The following UBE3B variants were observed in gnomAD, a reference collection of about 807,000 sequenced individuals.
UBE3B encodes ubiquitin-protein ligase E3B.
In UBE3B, 80 loss-of-function variants were observed where a neutral mutation model predicts 132.3. The observed-to-expected ratio is 0.60, with a 90% confidence interval of 0.50 to 0.73. The LOEUF (loss-of-function observed/expected upper bound fraction) is 0.73, where lower values mean the gene tolerates loss of function less well. Ranked by LOEUF, UBE3B falls within the 30% of genes least tolerant of loss-of-function variation. UBE3B has a pLI of 0.00. For missense variants in UBE3B, 1,196 were observed against 1,362.5 expected, an observed-to-expected ratio of 0.88 and a Z score of 1.92; for synonymous variants, 487 against 520.4, an observed-to-expected ratio of 0.94 and a Z score of 0.87.
chr12:109,521,080 G>A lies in UBE3B; in HGVS notation c.2077-68G>A. On this transcript the variant is annotated intron_variant, in intron 19 of 27. Transcript: ENST00000342494. The surrounding 1 kb of genome is among the most constrained non-coding windows in gnomAD (Gnocchi z 4.2). ...TGCTGGGAGAGCTTCGCACAGAGGA[G>A]AGGGAACCCCGAATTGTGTGCATAA... 6.4e-7 allele frequency: 1 copy of A among 1,572,122 alleles called. No homozygotes were observed. Among genetic ancestry groups the A allele is most frequent in the South Asian group, 1.1e-5 (1 of 87,494 alleles).
intron 27 of UBE3B, chr12:109,533,964 C>T: frequency 7.7e-7 from 1 of 1,304,492 alleles, no homozygotes; most frequent in South Asian, 1.2e-5. Context: ...CACGTCCAGG[C>T]TCGCTGCTTC....
downstream of UBE3B, among the ~76,000 whole-genome samples, chr12:109,540,116 C>T (rs1883580286): frequency 6.6e-6 from 1 of 152,178 alleles, no homozygotes; most frequent in South Asian, 2.1e-4. Context: ...GTTCATTCTG[C>T]TGCCGAAGTC....
chr12:109,522,449 G>C lies in UBE3B; in HGVS notation c.2364+898G>C, dbSNP rs1007362012. ...GCTGCAGCACAAGCCCAGCCAGTCT[G>C]TGTGGCCTTCGCAGTGGGCTCCAGA... is the stretch of plus-strand genomic sequence containing the variant. On this transcript the variant is annotated intron_variant, in intron 21 of 27. Transcript: ENST00000342494. This position sits in a 1 kb window ranked among gnomAD's most constrained non-coding sequence, Gnocchi z 4.2. Among the ~76,000 whole-genome samples, 3 of 152,234 alleles carry C rather than the reference G, an allele frequency of 2.0e-5. No homozygotes were observed. Among genetic ancestry groups the C allele is most frequent in the Admixed American group, 6.5e-5 (1 of 15,290 alleles).
In UBE3B at chr12:109,534,777, T is replaced by A. The variant is rs1266945367; in HGVS notation, c.3202T>A (p.Ser1068Thr). 6.6e-7 allele frequency: 1 copy of A among 1,521,952 alleles called. No homozygotes were observed. Among genetic ancestry groups the A allele is most frequent in the Admixed American group, 2.0e-5 (1 of 48,948 alleles). The allele number at this position is 1,521,952 out of a possible 1,614,324, so 94.3% of individuals were successfully genotyped here. A position where few individuals can be genotyped will look rare whatever the true frequency, so the allele number is the denominator to read the frequency against. Residue 1068 changes from serine to threonine, a missense_variant, in exon 28 of 28, where the codon TCC (serine) becomes ACC (threonine). Transcript: ENST00000342494. The surrounding 1 kb of genome is among the most constrained non-coding windows in gnomAD (Gnocchi z 5.2). The part of the protein sequence containing the change: ...AISMNTGFEL[S>T] The stretch of plus-strand genomic sequence containing the variant: ...CAGCATGAACACGGGCTTTGAACTC[T>A]CCTAGCTCCTGTCCCAGCCCTGCCT...
At chr12:109,493,783 T>C (rs560878345) in intron 9 of UBE3B, among the ~76,000 whole-genome samples, 15 of 152,338 alleles carry the variant, frequency 9.8e-5, no homozygotes, top group African/African-American at 3.4e-4. Flanking sequence ...TCTAAAACTT[T>C]TACACGTATT....
At chr12:109,516,454 G>T (rs945570142) in intron 18 of UBE3B, among the ~76,000 whole-genome samples, 2 of 152,182 alleles carry the variant, frequency 1.3e-5, no homozygotes, top group African/African-American at 4.8e-5. Flanking sequence ...TGGGATTACA[G>T]GCGTGAGCCC....
At chr12:109,517,695 T>C (rs1405642260) in intron 19 of UBE3B, among the ~76,000 whole-genome samples, 3 of 152,162 alleles carry the variant, frequency 2.0e-5, no homozygotes, top group Non-Finnish European at 2.9e-5. Context: ...CTTGGCTTCA[T>C]TTATTTGCCA....
Position 109,524,489 on chromosome 12 carries a change from G to A in UBE3B, c.2554G>A (p.Asp852Asn). The A allele has an allele frequency of 6.2e-7, 1 of 1,614,162 alleles. No individual in the cohort carries two copies. Among genetic ancestry groups the A allele is most frequent in the Non-Finnish European group, 8.5e-7 (1 of 1,180,000 alleles). The change falls in exon 23 of 28, where the codon GAC becomes AAC. Residue 852 changes from aspartate (D) to asparagine (N), a missense_variant. Transcript: ENST00000342494. ...GGGCCTGACGCTGTCTTACGACGAGGACGTCATGGGTCAGGTAGGTCCGCC... is the reference window on the plus strand; with the variant it reads ...GGGCCTGACGCTGTCTTACGACGAGAACGTCATGGGTCAGGTAGGTCCGCC... ...DLGLTLSYDE[D>N]VMGQLVCHEL... is the part of the protein sequence containing the mutation.
At chr12:109,478,368 G>A (rs1255195150) in intron 1 of UBE3B, among the ~76,000 whole-genome samples, 1 of 152,130 alleles carries the variant, frequency 6.6e-6, no homozygotes. Flanking sequence ...AACTGTTTTG[G>A]ATATACATGG....
chr12:109,491,516 C>T (rs368961114), intron 9 of UBE3B: 20 of 162,456 alleles, frequency 1.2e-4, no homozygotes, highest in East Asian at 8.7e-4. Flanking sequence ...AATGTGAATA[C>T]GCATGTAAAA....
chr12:109,528,314 C>A (rs980598563), intron 24 of UBE3B: 2 of 984,978 alleles, frequency 2.0e-6, no homozygotes, highest in Admixed American at 1.2e-4. Flanking sequence ...CTTCCTCTCC[C>A]CCTTTCTCAG....
intron 6 of UBE3B, among the ~76,000 whole-genome samples, chr12:109,486,941 G>A (rs1428318843): frequency 6.6e-6 from 1 of 152,200 alleles, no homozygotes; most frequent in East Asian, 1.9e-4. Context: ...AAGCAAGGAA[G>A]AGAACGTTGT....
the UBE3B span, among the ~76,000 whole-genome samples, chr12:109,547,286 G>A: frequency 1.3e-5 from 2 of 152,158 alleles, no homozygotes; most frequent in East Asian, 3.8e-4. This position sits in a 1 kb window ranked among gnomAD's most constrained non-coding sequence, Gnocchi z 4.1. Context: ...TTCTCATCAC[G>A]ACCTGGAGCA....
At position 109,499,814 on chromosome 12, in the gene UBE3B, A is replaced by C; in HGVS notation, c.1118+4A>C. Reference sequence around the variant, plus strand: ...TCTCCCAATCTGTGGATTATGGGTGAGTCCCAGATGCAAATCACTGTCTTT... The same window carrying C: ...TCTCCCAATCTGTGGATTATGGGTGCGTCCCAGATGCAAATCACTGTCTTT... On this transcript the variant is annotated splice_donor_region_variant and intron_variant, in intron 12 of 27. Transcript: ENST00000342494. The C allele has an allele frequency of 1.9e-6, 3 of 1,589,838 alleles. No homozygotes were observed. Among genetic ancestry groups the C allele is most frequent in the Middle Eastern group, 1.7e-4 (1 of 5,970 alleles).
At position 109,521,360 on chromosome 12, in the gene UBE3B, C is replaced by G; in HGVS notation, c.2253+36C>G. ...GGAGCAACAGCAGGGCTGACAGCAG[C>G]CAGATTCAAGAAGTGAAGAGCTGGG... On this transcript the variant is annotated intron_variant, in intron 20 of 27. Coordinates refer to ENST00000342494, the MANE Select transcript of UBE3B (RefSeq NM_130466.4). This position sits in a 1 kb window ranked among gnomAD's most constrained non-coding sequence, Gnocchi z 4.2. 3.1e-6 allele frequency: 5 copies of G among 1,605,252 alleles called. No individual in the cohort carries two copies. Among genetic ancestry groups the G allele is most frequent in the Non-Finnish European group, 4.3e-6 (5 of 1,172,586 alleles).
intron 24 of UBE3B, chr12:109,528,221 C>G (rs1279649968): frequency 1.7e-6 from 1 of 573,154 alleles, no homozygotes; most frequent in Non-Finnish European, 2.2e-6. Flanking sequence ...GATACTTGAT[C>G]TTGCACTTTA....
chr12:109,545,417 G>C, the UBE3B span, among the ~76,000 whole-genome samples: 13 of 152,260 alleles, frequency 8.5e-5, no homozygotes, highest in Non-Finnish European at 1.3e-4. Flanking sequence ...TGGTGGGAAA[G>C]AGTCAGAACT....
chr12:109,539,047 C>G (rs1883550972), downstream of UBE3B, among the ~76,000 whole-genome samples: 1 of 152,166 alleles, frequency 6.6e-6, no homozygotes, highest in Non-Finnish European at 1.5e-5. Context: ...ACCATCCTGG[C>G]CAATACGGTG....
rs140603482 is a variant in UBE3B at position 109,486,017 on chromosome 12, T to G, written c.288T>G (p.Phe96Leu). The change falls in exon 5 of 28, where the codon TTT (phenylalanine) becomes TTG (leucine). Residue 96 changes from phenylalanine to leucine, a missense_variant. Coordinates refer to ENST00000342494, the MANE Select transcript of UBE3B (RefSeq NM_130466.4). ...LFRIKEDNER[F>L]EKLCRSILSS... ...CCCAGTGTGTCTCTTTGCAGAGATT[T>G]GAGAAGTTGTGTCGCAGCATCCTGA... The G allele has an allele frequency of 1.7e-4, 257 of 1,553,734 alleles. 1 individual carries two copies. In the African/African-American group the frequency reaches 3.3e-3, roughly 20 times the overall value.
Sources: allele counts gnomAD v4.1 joint callset (sites outside exome capture counted in the v4.1 genomes callset), GRCh38; gene constraint gnomAD v4.1.1; non-coding constraint Gnocchi (gnomAD v3.1); transcripts MANE v1.5; gene names NCBI Gene and HGNC (gene_info 2026-07-23, HGNC 2026-07-21).